CHD6: variants seen among roughly 807,000 people sequenced by gnomAD.
CHD6 encodes ATP-dependent chromatin remodeler CHD6.
CHD6 carries 50 observed loss-of-function variants against 276.9 expected under a neutral mutation model. That is an observed-to-expected ratio of 0.18 (90% CI 0.14 to 0.23). The LOEUF (loss-of-function observed/expected upper bound fraction) is 0.23. Ranked by LOEUF, CHD6 falls within the 10% of genes least tolerant of loss-of-function variation. The probability of loss-of-function intolerance (pLI) is 1.00; values close to 1 mark genes in which losing one functional copy is unlikely to be tolerated. For synonymous variants in CHD6, 1,173 were observed against 1,229.3 expected (o/e 0.95, Z 0.96); for missense variants, 2,564 against 3,365.8 (o/e 0.76, Z 5.89).
intron 17 of CHD6, among the ~76,000 whole-genome samples, chr20:41,462,339 A>G (rs1343583394): frequency 6.6e-6 from 1 of 152,214 alleles, no homozygotes; most frequent in African/African-American, 2.4e-5. Context: ...CAGAAAACCA[A>G]TACCATTACA....
chr20:41,524,258 G>C (rs1474952482), intron 3 of CHD6, among the ~76,000 whole-genome samples: 2 of 152,134 alleles, frequency 1.3e-5, no homozygotes. Context: ...AGAAAACTGA[G>C]TTGGTATTGA....
chr20:41,423,791 A>G (rs985651016), intron 29 of CHD6, 91 bp from the exon 30 acceptor site: 18 of 973,442 alleles, frequency 1.8e-5, no homozygotes, highest in South Asian at 6.0e-5. Context: ...GAGAGCCCAT[A>G]AAGTCAAGAA....
At chr20:41,517,220 C>A (rs1256536077) in intron 3 of CHD6, among the ~76,000 whole-genome samples, 4 of 151,994 alleles carry the variant, frequency 2.6e-5, no homozygotes, top group Non-Finnish European at 4.4e-5. Context: ...CAAGTGGGAG[C>A]TAAATGATGA....
At chr20:41,614,888 C>T (rs1445632294) in intron 1 of CHD6, 1 of 152,208 alleles carries the variant, frequency 6.6e-6, no homozygotes, top group Non-Finnish European at 1.5e-5. Flanking sequence ...GAAGACCACT[C>T]CTACTCCATG....
intron 1 of CHD6, among the ~76,000 whole-genome samples, chr20:41,617,939 G>C (rs1382056867): frequency 3.4e-5 from 5 of 145,774 alleles, no homozygotes; most frequent in Non-Finnish European, 7.6e-5. Context: ...GTCCCACCGC[G>C]CCCGCCCCGG....
At chr20:41,581,877 A>C (rs1174983165) in intron 1 of CHD6, among the ~76,000 whole-genome samples, 4 of 152,230 alleles carry the variant, frequency 2.6e-5, no homozygotes, top group African/African-American at 9.6e-5. Flanking sequence ...CTATTCCCTC[A>C]AAACCTTATT....
At position 41,473,626 on chromosome 20, in the gene CHD6, A is replaced by G; in HGVS notation, c.2469-109T>C. The G allele has an allele frequency of 1.2e-6, 1 of 856,370 alleles. No homozygotes were observed. Among genetic ancestry groups the G allele is most frequent in the Admixed American group, 2.3e-5 (1 of 43,326 alleles). The allele number at this position is 856,370 out of a possible 1,614,324, so 53.0% of individuals were successfully genotyped here. On this transcript the variant is annotated intron_variant, in intron 16 of 36. Transcript: ENST00000373233. This position sits in a 1 kb window ranked among gnomAD's most constrained non-coding sequence, Gnocchi z 4.1. ...TGATGGCCTTAAATCCCTCACTTCT[A>G]AATTTGGACCAAATGACAGCAGTCT... is the stretch of plus-strand genomic sequence containing the variant.
intron 5 of CHD6, among the ~76,000 whole-genome samples, chr20:41,499,576 G>C (rs1340836098): frequency 6.6e-6 from 1 of 152,154 alleles, no homozygotes; most frequent in African/African-American, 2.4e-5. Context: ...AACTCTACAA[G>C]AGCAGAGAAG....
At chr20:41,583,081 A>AG (rs929753519) in intron 1 of CHD6, among the ~76,000 whole-genome samples, 3 of 152,076 alleles carry the variant, frequency 2.0e-5, no homozygotes, top group Non-Finnish European at 4.4e-5. Context: ...AGTATTTGGC[A>AG]GGGGGGAAAA....
At chr20:41,511,600 C>A (rs1351234526) in intron 5 of CHD6, among the ~76,000 whole-genome samples, 2 of 152,200 alleles carry the variant, frequency 1.3e-5, no homozygotes, top group Non-Finnish European at 2.9e-5. Context: ...AGGATAAAAA[C>A]TAAAAACCTT....
At chr20:41,529,010 G>A (rs188179928) in intron 3 of CHD6, among the ~76,000 whole-genome samples, 4 of 152,084 alleles carry the variant, frequency 2.6e-5, no homozygotes, top group Non-Finnish European at 4.4e-5. Flanking sequence ...ATCTCCCCAC[G>A]TCCATTTCTG....
intron 18 of CHD6, among the ~76,000 whole-genome samples, chr20:41,456,676 C>G (rs1198011277): frequency 6.6e-6 from 1 of 152,170 alleles, no homozygotes; most frequent in Non-Finnish European, 1.5e-5. Context: ...ATCTTTGATG[C>G]CCTGAGCCCA....
At chr20:41,586,757 A>G (rs921084990) in intron 1 of CHD6, among the ~76,000 whole-genome samples, 1 of 152,250 alleles carries the variant, frequency 6.6e-6, no homozygotes, top group Non-Finnish European at 1.5e-5. Context: ...GATACACAAA[A>G]AGCATGTAAC....
At position 41,415,416 on chromosome 20, in the gene CHD6, C is replaced by T. The variant is rs760147001; in HGVS notation, c.6709G>A (p.Ala2237Thr). The T allele has an allele frequency of 6.8e-5, 110 of 1,612,456 alleles. No homozygotes were observed. In the Middle Eastern group the frequency reaches 1.3e-3, roughly 19 times the overall value. ...ATAGCCCCAATCTTAGGGGTGCTGG[C>T]GCTCACTGGGAAAGGGGATGTGGCT... Reference protein sequence around the residue: ...PGATSPFPVSASTPKIGAISS... With the variant: ...PGATSPFPVSTSTPKIGAISS... Residue 2237 changes from alanine to threonine, a missense_variant, in exon 34 of 37, where the codon GCC (alanine) becomes ACC (threonine). This residue lies in a region of CHD6 where 1,024 missense variants were observed against 1,047.9 expected (regional missense o/e 0.98). Coordinates refer to ENST00000373233, the MANE Select transcript of CHD6 (RefSeq NM_032221.5).
chr20:41,418,688 GCT>G (rs2047082896), intron 31 of CHD6, among the ~76,000 whole-genome samples: 1 of 152,044 alleles, frequency 6.6e-6, no homozygotes, highest in African/African-American at 2.4e-5. Flanking sequence ...ATTAATTACT[GCT>G]CCTTCAGGAC....
At chr20:41,569,833 A>G (rs867634887) in intron 1 of CHD6, among the ~76,000 whole-genome samples, 4 of 152,182 alleles carry the variant, frequency 2.6e-5, no homozygotes, top group Non-Finnish European at 5.9e-5. Flanking sequence ...GGAGGATGTG[A>G]GTAGGTTATA....
At chr20:41,478,236 T>C (rs1046932016) in intron 16 of CHD6, among the ~76,000 whole-genome samples, 1 of 152,168 alleles carries the variant, frequency 6.6e-6, no homozygotes, top group African/African-American at 2.4e-5. Context: ...CCCCATCTGA[T>C]GGCCTAAGAT....
At chr20:41,465,303 A>G (rs1424719684) in intron 17 of CHD6, among the ~76,000 whole-genome samples, 1 of 152,218 alleles carries the variant, frequency 6.6e-6, no homozygotes, top group South Asian at 2.1e-4. Flanking sequence ...ATCACGAGTA[A>G]TAAGATGTAT....
intron 36 of CHD6, among the ~76,000 whole-genome samples, chr20:41,410,168 A>C (rs1389303799): frequency 6.6e-6 from 1 of 152,160 alleles, no homozygotes; most frequent in Non-Finnish European, 1.5e-5. Flanking sequence ...AATGTTTCAA[A>C]TTACTATGCT....
Sources: allele counts gnomAD v4.1 joint callset (sites outside exome capture counted in the v4.1 genomes callset), GRCh38; gene constraint gnomAD v4.1.1; regional missense constraint gnomAD v4.1.1; non-coding constraint Gnocchi (gnomAD v3.1); transcripts MANE v1.5; gene names NCBI Gene and HGNC (gene_info 2026-07-23, HGNC 2026-07-21).